Variants in MBNL1 observed in about 807,000 individuals in gnomAD.
MBNL1 encodes muscleblind-like protein 1.
MBNL1 carries 8 observed loss-of-function variants against 42.2 expected under a neutral mutation model. The observed-to-expected ratio is 0.19, with a 90% CI of 0.11 to 0.34. The LOEUF (loss-of-function observed/expected upper bound fraction) is 0.34. MBNL1 is among the 10% of genes least tolerant of loss of function. The pLI, the probability that MBNL1 is intolerant of heterozygous loss-of-function variation, is 1.00. For missense variants in MBNL1, 309 were observed against 495.3 expected, an observed-to-expected ratio of 0.62 and a Z score of 3.57; for synonymous variants, 169 against 173.9, an observed-to-expected ratio of 0.97 and a Z score of 0.22.
At chr3:152,267,247 T>G (rs373027320), upstream of MBNL1, 5 of 152,788 alleles carry the variant, frequency 3.3e-5, no homozygotes, top group African/African-American at 1.2e-4. Flanking sequence ...ACCTGGACTC[T>G]ACTCCCTTTT....
At chr3:152,401,937 C>G (rs1330868677) in intron 2 of MBNL1, among the ~76,000 whole-genome samples, 1 of 150,404 alleles carries the variant, frequency 6.6e-6, no homozygotes, top group Non-Finnish European at 1.5e-5. Flanking sequence ...GAGGCTGAGG[C>G]AGGAGAATGG....
intron 2 of MBNL1, among the ~76,000 whole-genome samples, chr3:152,347,559 T>C (rs1048314401): frequency 2.6e-5 from 4 of 152,112 alleles, no homozygotes; most frequent in African/African-American, 9.7e-5. Flanking sequence ...TTTCAATGTG[T>C]TTGGCATTTT....
intron 2 of MBNL1, among the ~76,000 whole-genome samples, chr3:152,386,710 A>G (rs2097443698): frequency 6.6e-6 from 1 of 152,104 alleles, no homozygotes; most frequent in Admixed American, 6.6e-5. Context: ...GAAAATAGCA[A>G]CTTGGGTTAT....
At chr3:152,309,250 C>G (rs1230804963) in intron 2 of MBNL1, among the ~76,000 whole-genome samples, 2 of 152,178 alleles carry the variant, frequency 1.3e-5, no homozygotes, top group African/African-American at 4.8e-5. Context: ...GGCCACCAGA[C>G]TGTGGCAGCT....
intron 2 of MBNL1, among the ~76,000 whole-genome samples, chr3:152,255,726 T>C (rs1311483666): frequency 6.6e-6 from 1 of 151,994 alleles, no homozygotes; most frequent in Admixed American, 6.6e-5. Context: ...TCCAGCATAG[T>C]AAAAGGATAA....
intron 2 of MBNL1, among the ~76,000 whole-genome samples, chr3:152,343,564 A>G (rs2093719955): frequency 6.6e-6 from 1 of 152,086 alleles, no homozygotes; most frequent in Non-Finnish European, 1.5e-5. Context: ...GGTACAGAAG[A>G]TCTTGTTTAA....
At chr3:152,329,720 C>A (rs532742742) in intron 2 of MBNL1, among the ~76,000 whole-genome samples, 2 of 145,358 alleles carry the variant, frequency 1.4e-5, no homozygotes, top group South Asian at 2.2e-4. Flanking sequence ...ATATATATGT[C>A]ATATATAATA....
chr3:152,340,949 G>A (rs1420101015), intron 2 of MBNL1: 5 of 1,532,912 alleles, frequency 3.3e-6, no homozygotes, highest in Admixed American at 2.1e-5. Context: ...CAGCAGGCCT[G>A]CACCTATACC....
intron 5 of MBNL1, among the ~76,000 whole-genome samples, chr3:152,446,989 TTAAC>T (rs1439956399): frequency 5.9e-5 from 9 of 152,164 alleles, no homozygotes; most frequent in African/African-American, 2.2e-4. Flanking sequence ...CACATTCAGT[TTAAC>T]TACATTGTAG....
At chr3:152,399,700 A>G (rs2098132318) in intron 2 of MBNL1, among the ~76,000 whole-genome samples, 1 of 151,938 alleles carries the variant, frequency 6.6e-6, no homozygotes, top group Admixed American at 6.6e-5. Context: ...ACAGGGTCTC[A>G]CTATGTAGCC....
chr3:152,290,423 T>C (rs1261088095), intron 1 of MBNL1, among the ~76,000 whole-genome samples: 1 of 152,050 alleles, frequency 6.6e-6, no homozygotes, highest in African/African-American at 2.4e-5. Flanking sequence ...AACTATTGGT[T>C]GTGAGAATGA....
intron 2 of MBNL1, among the ~76,000 whole-genome samples, chr3:152,312,753 G>A (rs891494984): frequency 2.0e-5 from 3 of 152,092 alleles, no homozygotes; most frequent in Non-Finnish European, 4.4e-5. Flanking sequence ...TTCTCTGGAC[G>A]CTTTCTTCAT....
At chr3:152,318,162 G>A (rs893361439) in intron 2 of MBNL1, among the ~76,000 whole-genome samples, 3 of 152,164 alleles carry the variant, frequency 2.0e-5, no homozygotes, top group African/African-American at 7.2e-5. Context: ...AAAGGAAAGG[G>A]CTGCTAAGGA....
At chr3:152,250,077 G>T (rs1333960306) in intron 2 of MBNL1, among the ~76,000 whole-genome samples, 2 of 151,910 alleles carry the variant, frequency 1.3e-5, no homozygotes, top group Non-Finnish European at 2.9e-5. Flanking sequence ...TGTTCTTTTG[G>T]CTTAGGATTT....
chr3:152,443,142 A>G (rs2099165501), intron 4 of MBNL1, among the ~76,000 whole-genome samples: 1 of 151,200 alleles, frequency 6.6e-6, no homozygotes, highest in Admixed American at 6.6e-5. Flanking sequence ...AGAGTAAAGA[A>G]CATGAAATTA....
intron 2 of MBNL1, among the ~76,000 whole-genome samples, chr3:152,322,045 T>C (rs886291718): frequency 8.4e-6 from 1 of 119,098 alleles, no homozygotes; most frequent in African/African-American, 3.4e-5. Flanking sequence ...ATAGATATTT[T>C]AAAAAATAAT....
At chr3:152,278,498 T>C (rs572557770) in intron 1 of MBNL1, among the ~76,000 whole-genome samples, 9 of 152,218 alleles carry the variant, frequency 5.9e-5, no homozygotes, top group African/African-American at 2.2e-4. Flanking sequence ...AGAAAAAATA[T>C]ACTCAAGTAG....
At chr3:152,340,002 A>G (rs142640238) in intron 2 of MBNL1, 5 of 152,452 alleles carry the variant, frequency 3.3e-5, no homozygotes, top group African/African-American at 7.2e-5. Context: ...GATTTTACCT[A>G]TAGACACAGA....
intron 2 of MBNL1, among the ~76,000 whole-genome samples, chr3:152,390,135 T>G (rs1377417195): frequency 6.6e-6 from 1 of 151,758 alleles, no homozygotes; most frequent in African/African-American, 2.4e-5. Context: ...CCCAAAGAAC[T>G]TTTTTAAATT....
Sources: allele counts gnomAD v4.1 joint callset (sites outside exome capture counted in the v4.1 genomes callset), GRCh38; gene constraint gnomAD v4.1.1; transcripts MANE v1.5; gene names NCBI Gene and HGNC (gene_info 2026-07-23, HGNC 2026-07-21).